Variants in CEP83 observed in about 807,000 individuals in gnomAD.
CEP83 encodes the protein centrosomal protein 83.
CEP83 carries 70 observed loss-of-function variants against 101.9 expected under a neutral mutation model. The ratio of observed to expected loss-of-function variants is 0.69; its 90% confidence interval spans 0.57 to 0.84. The LOEUF (loss-of-function observed/expected upper bound fraction) is 0.84. Ranked by LOEUF, CEP83 falls within the 40% of genes least tolerant of loss-of-function variation. The probability of loss-of-function intolerance (pLI) is 0.00; values close to 1 mark genes in which losing one functional copy is unlikely to be tolerated. For missense variants in CEP83, 715 were observed against 787.2 expected (o/e 0.91, Z 1.10); for synonymous variants, 264 against 267.9 (o/e 0.99, Z 0.14).
intron 11 of CEP83, among the ~76,000 whole-genome samples, chr12:94,338,560 A>T (rs571520403): frequency 9.2e-5 from 14 of 152,096 alleles, no homozygotes; most frequent in Admixed American, 2.6e-4. Flanking sequence ...AGCAGTTTTC[A>T]GCAGGGGGAG....
chr12:94,417,121 C>T (rs771926472), intron 2 of CEP83, among the ~76,000 whole-genome samples: 95 of 152,174 alleles, frequency 6.2e-4, no homozygotes, highest in African/African-American at 1.9e-3. Context: ...CGAGACCAGC[C>T]TGGGCAACAC....
intron 14 of CEP83, among the ~76,000 whole-genome samples, chr12:94,317,368 G>C (rs1314565160): frequency 6.6e-6 from 1 of 152,118 alleles, no homozygotes; most frequent in Non-Finnish European, 1.5e-5. Context: ...TAGGTTATCT[G>C]TCTACTCTGT....
intron 11 of CEP83, among the ~76,000 whole-genome samples, chr12:94,354,871 G>A (rs1333781281): frequency 2.0e-5 from 3 of 152,102 alleles, no homozygotes; most frequent in Admixed American, 1.3e-4. Context: ...TTATATGGGC[G>A]TGGTGGCACA....
At chr12:94,400,665 C>T (rs2063198883) in intron 6 of CEP83, among the ~76,000 whole-genome samples, 185 bp downstream of exon 6, 2 of 151,664 alleles carry the variant, frequency 1.3e-5, no homozygotes, top group African/African-American at 4.8e-5. Context: ...AAAAGATCTA[C>T]ACCCAAAACA....
downstream of CEP83, among the ~76,000 whole-genome samples, chr12:94,303,318 T>C (rs542503889): frequency 2.4e-4 from 36 of 152,274 alleles, no homozygotes; most frequent in Middle Eastern, 6.8e-3. Context: ...CATGGTTATA[T>C]AAAGGGCTCA....
At chr12:94,404,649 G>A (rs2063436342) in intron 4 of CEP83, among the ~76,000 whole-genome samples, 1 of 151,946 alleles carries the variant, frequency 6.6e-6, no homozygotes, top group Admixed American at 6.6e-5. Flanking sequence ...TGAATACCAG[G>A]TTTAGACTCT....
chr12:94,344,624 A>G (rs1315943015), intron 11 of CEP83, among the ~76,000 whole-genome samples: 1 of 152,176 alleles, frequency 6.6e-6, no homozygotes, highest in Non-Finnish European at 1.5e-5. Context: ...TGAATCAAAG[A>G]TGAACATGAT....
chr12:94,422,927 G>A (rs1397183538), intron 2 of CEP83, among the ~76,000 whole-genome samples: 1 of 152,100 alleles, frequency 6.6e-6, no homozygotes, highest in African/African-American at 2.4e-5. Flanking sequence ...AAGACTTTCT[G>A]TGGACACATT....
intron 2 of CEP83, among the ~76,000 whole-genome samples, chr12:94,413,613 A>G (rs2064047383): frequency 6.6e-6 from 1 of 152,132 alleles, no homozygotes; most frequent in South Asian, 2.1e-4. Context: ...TTGTCAACAC[A>G]TAAATATTGA....
At position 94,373,994 on chromosome 12, in the gene CEP83, C is replaced by G. The variant is rs76837686; in HGVS notation, c.933+1892G>C. Among the ~76,000 whole-genome samples, 1,048 of 152,216 alleles carry G rather than the reference C, an allele frequency of 6.9e-3. 8 individuals carry two copies. Among genetic ancestry groups the G allele is most frequent in the Middle Eastern group, 0.014 (4 of 294 alleles). ...AAGTTGAAGGATGGTATTTAATACT[C>G]CATTTATATGCAAAATAAGGCAAGT... On this transcript the variant is annotated intron_variant, in intron 8 of 16. Coordinates refer to ENST00000397809, the MANE Select transcript of CEP83 (RefSeq NM_016122.3).
At chr12:94,343,985 G>T (rs1420139546) in intron 11 of CEP83, among the ~76,000 whole-genome samples, 1 of 152,196 alleles carries the variant, frequency 6.6e-6, no homozygotes, top group Admixed American at 6.5e-5. Flanking sequence ...GACAAGAGGG[G>T]ATGCAAAGGC....
At chr12:94,391,532 T>C (rs796273153) in intron 6 of CEP83, among the ~76,000 whole-genome samples, 14 of 152,108 alleles carry the variant, frequency 9.2e-5, no homozygotes, top group East Asian at 3.9e-4. Flanking sequence ...ACAGGCCAAA[T>C]TGTAAAGACC....
chr12:94,346,553 C>T (rs2059941488), intron 11 of CEP83, among the ~76,000 whole-genome samples: 1 of 152,006 alleles, frequency 6.6e-6, no homozygotes, highest in Non-Finnish European at 1.5e-5. Flanking sequence ...GTTATGGAAA[C>T]CCCAACTTAA....
chr12:94,266,414 G>A, the CEP83 span, among the ~76,000 whole-genome samples: 1 of 152,234 alleles, frequency 6.6e-6, no homozygotes, highest in Non-Finnish European at 1.5e-5. Context: ...AGAGGCCGGA[G>A]AGTGGGCTGC....
the CEP83 span, chr12:94,277,844 AT>A: frequency 3.5e-5 from 15 of 428,862 alleles, no homozygotes; most frequent in Middle Eastern, 3.4e-4. Flanking sequence ...GCATGATCAC[AT>A]TTAATCTCCC....
chr12:94,378,908 CT>C lies in CEP83; in HGVS notation c.683del (p.Glu228GlyfsTer4). 1 of 1,614,106 alleles carries C rather than the reference CT, an allele frequency of 6.2e-7. No homozygotes were observed. Among genetic ancestry groups the C allele is most frequent in the Non-Finnish European group, 8.5e-7 (1 of 1,179,990 alleles). On this transcript the variant is annotated frameshift_variant, in exon 7 of 17. Coordinates refer to ENST00000397809, the MANE Select transcript of CEP83 (RefSeq NM_016122.3). LOFTEE classifies it high-confidence loss of function. ...VYLCQKLKGL[E>X]AEVAELKAEK... ...CAGCCTTTAATTCCGCTACTTCAGC[CT>C]CTAAACCTTTTAATTTTTGACACAA...
rs938181982 is a variant in CEP83, at chr12:94,354,249, G to A, written c.1343+13545C>T. 6.6e-5 allele frequency among the ~76,000 whole-genome samples: 10 copies of A among 151,862 alleles called. 1 individual carries two copies. The South Asian group carries it at 2.1e-3, about 32-fold the overall frequency. On this transcript the variant is annotated intron_variant, in intron 11 of 16. Transcript: ENST00000397809. ...TCTGGCACCCAGGCTGGAGGGCAGT[G>A]GCACAATCTCGGCTCACTGTAACCT...
At chr12:94,388,797 A>G (rs1017182478) in intron 6 of CEP83, among the ~76,000 whole-genome samples, 4 of 152,186 alleles carry the variant, frequency 2.6e-5, no homozygotes, top group African/African-American at 9.7e-5. Flanking sequence ...ACATGTAAAA[A>G]GCTTCTTTAC....
chr12:94,297,173 T>C, the CEP83 span: 1 of 1,613,612 alleles, frequency 6.2e-7, no homozygotes, highest in Non-Finnish European at 8.5e-7. Context: ...TCTCTCCCTC[T>C]TTCTCTGGCA....
Sources: gnomAD v4.1 joint callset for allele counts (sites outside exome capture counted in the v4.1 genomes callset) on GRCh38, gnomAD v4.1.1 for gene constraint, MANE v1.5 for transcripts, NCBI Gene and HGNC (gene_info 2026-07-23, HGNC 2026-07-21) for gene names.